Variants in NBAS observed in about 807,000 individuals in gnomAD.
The protein encoded by NBAS is NBAS subunit of NRZ tethering complex, also known as NAG/BC035112 fusion.
A neutral mutation model predicts 302.5 loss-of-function variants in NBAS; 219 were observed. The ratio of observed to expected loss-of-function variants is 0.72; its 90% confidence interval spans 0.65 to 0.81. The LOEUF is 0.81. NBAS is among the 30% of genes least tolerant of loss of function. The probability of loss-of-function intolerance (pLI) is 0.00; values close to 1 mark genes in which losing one functional copy is unlikely to be tolerated. For missense variants in NBAS, 2,932 were observed against 2,841.6 expected (o/e 1.03, Z -0.72); for synonymous variants, 1,118 against 1,021.6 (o/e 1.09, Z -1.80).
chr2:15,188,753 GTGAA>G (rs1425337198), intron 49 of NBAS, among the ~76,000 whole-genome samples: 1 of 152,194 alleles, frequency 6.6e-6, no homozygotes, highest in Non-Finnish European at 1.5e-5. Flanking sequence ...TTGAGAATAA[GTGAA>G]TGATTTTAAA....
intron 38 of NBAS, among the ~76,000 whole-genome samples, chr2:15,315,894 C>G (rs926203227): frequency 2.0e-5 from 3 of 152,130 alleles, no homozygotes; most frequent in African/African-American, 7.2e-5. Flanking sequence ...TCAAAACTGT[C>G]TCAGCAGCCC....
intron 23 of NBAS, among the ~76,000 whole-genome samples, chr2:15,421,688 G>A (rs1186372179): frequency 6.6e-6 from 1 of 151,118 alleles, no homozygotes; most frequent in Non-Finnish European, 1.5e-5. Context: ...GCCAACTGAA[G>A]TCCTCCAAAA....
intron 51 of NBAS, among the ~76,000 whole-genome samples, chr2:15,170,522 A>C (rs1281364794): frequency 1.3e-5 from 2 of 152,256 alleles, no homozygotes; most frequent in Non-Finnish European, 2.9e-5. Flanking sequence ...GAGCTTGGGC[A>C]GTGAGCAGGG....
intron 38 of NBAS, among the ~76,000 whole-genome samples, chr2:15,310,250 G>C (rs1671216265): frequency 6.6e-6 from 1 of 152,160 alleles, no homozygotes; most frequent in South Asian, 2.1e-4. Flanking sequence ...GGCTGACCTA[G>C]AACTCTAAAT....
At chr2:15,202,510 G>GTGTT (rs1207499359) in intron 48 of NBAS, among the ~76,000 whole-genome samples, 11 of 131,508 alleles carry the variant, frequency 8.4e-5, no homozygotes, top group East Asian at 4.3e-4. Flanking sequence ...ATAAATACGT[G>GTGTT]TGTTTGTTTG....
chr2:15,013,492 T>C, the NBAS span, among the ~76,000 whole-genome samples: 1 of 152,038 alleles, frequency 6.6e-6, no homozygotes, highest in African/African-American at 2.4e-5. Flanking sequence ...TTAAAAGATA[T>C]AGACAACTGG....
the NBAS span, among the ~76,000 whole-genome samples, chr2:14,785,204 T>G: frequency 6.6e-6 from 1 of 152,204 alleles, no homozygotes; most frequent in Non-Finnish European, 1.5e-5. Context: ...GCTTATCAGC[T>G]TAAGGAGATT....
At chr2:15,364,308 G>A (rs1223902211) in intron 32 of NBAS, among the ~76,000 whole-genome samples, 1 of 152,110 alleles carries the variant, frequency 6.6e-6, no homozygotes, top group Non-Finnish European at 1.5e-5. Flanking sequence ...GAGGCAGGTG[G>A]ATCACCTGAA....
the NBAS span, among the ~76,000 whole-genome samples, chr2:15,085,827 C>A: frequency 6.6e-6 from 1 of 152,210 alleles, no homozygotes; most frequent in Admixed American, 6.5e-5. Flanking sequence ...TGCTGACATG[C>A]CAGCCCCCTG....
intron 30 of NBAS, among the ~76,000 whole-genome samples, chr2:15,378,066 A>G (rs1045252167): frequency 6.6e-6 from 1 of 152,218 alleles, no homozygotes; most frequent in African/African-American, 2.4e-5. Context: ...ATAATTTGCT[A>G]GAGACCATAG....
chr2:15,237,008 T>C (rs953916437), intron 45 of NBAS, among the ~76,000 whole-genome samples: 1 of 152,192 alleles, frequency 6.6e-6, no homozygotes, highest in Admixed American at 6.5e-5. Context: ...GACTGATCTT[T>C]CTAGCCATTC....
the NBAS span, among the ~76,000 whole-genome samples, chr2:14,804,194 A>T: frequency 6.6e-6 from 1 of 152,190 alleles, no homozygotes; most frequent in Non-Finnish European, 1.5e-5. Context: ...TGGAGGATAG[A>T]TGAGGCTACC....
At chr2:15,408,002 T>C (rs763095257) in intron 25 of NBAS, among the ~76,000 whole-genome samples, 2 of 152,142 alleles carry the variant, frequency 1.3e-5, no homozygotes, top group Non-Finnish European at 2.9e-5. Context: ...ATCTGACAAT[T>C]CTATAGCATC....
chr2:15,418,369 A>G (rs76298261), intron 23 of NBAS, among the ~76,000 whole-genome samples: 3,089 of 152,320 alleles, frequency 0.02, 72 homozygotes, highest in East Asian at 0.06. Flanking sequence ...TCCGAGTGAT[A>G]GAGAAATGAT....
chr2:14,928,929 A>G, the NBAS span, among the ~76,000 whole-genome samples: 2 of 152,164 alleles, frequency 1.3e-5, no homozygotes, highest in Admixed American at 1.3e-4. Context: ...TGCTCTTGTG[A>G]GGAGAGCTTT....
At chr2:14,854,682 G>C in the NBAS span, among the ~76,000 whole-genome samples, 297 of 152,286 alleles carry the variant, frequency 2.0e-3, no homozygotes, top group African/African-American at 6.2e-3. Context: ...TGTCCTGTTA[G>C]AGCAGAAAGG....
intron 44 of NBAS, among the ~76,000 whole-genome samples, chr2:15,245,436 C>T (rs1380287152): frequency 1.3e-5 from 2 of 152,136 alleles, no homozygotes; most frequent in African/African-American, 4.8e-5. Flanking sequence ...AGAGGCCTTC[C>T]CTGACCACTC....
At chr2:15,268,137 G>T (rs1448130550) in intron 44 of NBAS, among the ~76,000 whole-genome samples, 1 of 152,164 alleles carries the variant, frequency 6.6e-6, no homozygotes, top group African/African-American at 2.4e-5. Flanking sequence ...TTCCTACCTT[G>T]GCCCATAAAG....
the NBAS span, among the ~76,000 whole-genome samples, chr2:15,022,156 C>T: frequency 6.6e-6 from 1 of 152,116 alleles, no homozygotes; most frequent in Admixed American, 6.5e-5. Flanking sequence ...CCTCAAGAGG[C>T]AGATAAGGGT....
Sources: allele counts gnomAD v4.1 joint callset (sites outside exome capture counted in the v4.1 genomes callset), GRCh38; gene constraint gnomAD v4.1.1; transcripts MANE v1.5; gene names NCBI Gene and HGNC (gene_info 2026-07-23, HGNC 2026-07-21).